Variants in CNTN6 observed in about 807,000 individuals in gnomAD.
CNTN6 encodes the protein contactin-6.
CNTN6 carries 137 observed loss-of-function variants against 122.8 expected under a neutral mutation model. That is an observed-to-expected ratio of 1.12 (90% confidence interval 0.97 to 1.29). The LOEUF is 1.29. Ranked by LOEUF, CNTN6 falls within the 50% of genes most tolerant of loss-of-function variation. The pLI, the probability that CNTN6 is intolerant of heterozygous loss-of-function variation, is 0.00. For synonymous variants in CNTN6, 570 were observed against 426.0 expected (o/e 1.34, Z -4.16); for missense variants, 1,634 against 1,223.4 (o/e 1.34, Z -5.01).
chr3:1,352,418 A>G lies in CNTN6; in HGVS notation c.1459A>G (p.Thr487Ala). The change falls in exon 12 of 23, where the codon ACT (threonine) becomes GCT (alanine). Residue 487 changes from threonine to alanine, a missense_variant. Thr to Ala is a moderately conservative substitution (Grantham distance 58). Coordinates refer to ENST00000446702, the MANE Select transcript of CNTN6 (RefSeq NM_001289080.2). Reference protein sequence around the residue: ...YTCIATNQFGTAKNTGSLIVK... With the variant: ...YTCIATNQFGAAKNTGSLIVK... ...ATGCATAGCCACAAATCAGTTTGGC[A>G]CTGCAAAGAACACTGGCAGCCTCAT... is the stretch of plus-strand genomic sequence containing the variant. The G allele has an allele frequency of 6.2e-7, 1 of 1,609,770 alleles. No homozygotes were observed. Among genetic ancestry groups the G allele is most frequent in the East Asian group, 2.2e-5 (1 of 44,682 alleles).
At chr3:1,142,966 G>A (rs1288143568) in intron 1 of CNTN6, among the ~76,000 whole-genome samples, 12 of 96,606 alleles carry the variant, frequency 1.2e-4, no homozygotes, top group African/African-American at 5.1e-4. Flanking sequence ...GTGTGTGTGT[G>A]TGTATATATA....
chr3:1,111,296 A>G lies in CNTN6; in HGVS notation c.-83+18176A>G, dbSNP rs139780247. On this transcript the variant is annotated intron_variant, in intron 1 of 22. Transcript: ENST00000446702. ...TTATATACAGTTCAAATTAGTAACA[A>G]TCACAACAAGAACAACCATCAATTG... 3.9e-4 allele frequency among the ~76,000 whole-genome samples: 60 copies of G among 152,322 alleles called. No individual in the cohort carries two copies. In the East Asian group the frequency reaches 6.0e-3, roughly 15 times the overall value.
intron 4 of CNTN6, among the ~76,000 whole-genome samples, chr3:1,243,355 G>A (rs1440078488): frequency 6.6e-6 from 1 of 152,178 alleles, no homozygotes; most frequent in Non-Finnish European, 1.5e-5. Context: ...CTGGAGATGT[G>A]GCTGGGGTTT....
At chr3:1,301,741 T>A (rs560025860) in intron 7 of CNTN6, among the ~76,000 whole-genome samples, 2 of 152,318 alleles carry the variant, frequency 1.3e-5, no homozygotes, top group South Asian at 4.1e-4. Flanking sequence ...GCGGTAGCGT[T>A]AAGATGCCCT....
intron 2 of CNTN6, among the ~76,000 whole-genome samples, chr3:1,167,010 C>G (rs1575093067): frequency 6.7e-6 from 1 of 149,950 alleles, no homozygotes; most frequent in East Asian, 2.0e-4. Context: ...GTGTAACAAA[C>G]CTGCACGTTC....
chr3:1,394,871 AAC>A (rs1410554041), intron 20 of CNTN6, among the ~76,000 whole-genome samples: 3 of 152,188 alleles, frequency 2.0e-5, no homozygotes, highest in African/African-American at 7.2e-5. Context: ...AATTTTCGAA[AAC>A]AGTTAAATTA....
chr3:1,172,046 A>G (rs890659007), intron 2 of CNTN6, among the ~76,000 whole-genome samples: 1 of 152,094 alleles, frequency 6.6e-6, no homozygotes, highest in Non-Finnish European at 1.5e-5. Flanking sequence ...GGTAACTCCT[A>G]TCCCTCTCCC....
intron 1 of CNTN6, among the ~76,000 whole-genome samples, chr3:1,140,214 C>T (rs1275745759): frequency 1.3e-5 from 2 of 152,152 alleles, no homozygotes; most frequent in African/African-American, 4.8e-5. Flanking sequence ...CATCCACATT[C>T]TTGTATTCTG....
chr3:1,247,450 G>GC (rs2094597956), intron 4 of CNTN6, among the ~76,000 whole-genome samples: 1 of 137,132 alleles, frequency 7.3e-6, no homozygotes, highest in Non-Finnish European at 1.6e-5. Flanking sequence ...AGACTATATG[G>GC]TTTAAAAAAA....
chr3:1,212,091 T>G (rs989913630), intron 2 of CNTN6, among the ~76,000 whole-genome samples: 2 of 152,150 alleles, frequency 1.3e-5, no homozygotes, highest in African/African-American at 4.8e-5. Context: ...TGGAATTAAC[T>G]TTTTAATTCC....
intron 1 of CNTN6, among the ~76,000 whole-genome samples, chr3:1,109,279 T>A (rs967087050): frequency 3.3e-5 from 5 of 152,078 alleles, no homozygotes; most frequent in African/African-American, 1.2e-4. Context: ...GTGGCTGTGG[T>A]TTCCACATTC....
chr3:1,325,109 T>C (rs964787680), intron 8 of CNTN6, among the ~76,000 whole-genome samples: 1 of 151,956 alleles, frequency 6.6e-6, no homozygotes, highest in Non-Finnish European at 1.5e-5. Context: ...TTTCCATGAA[T>C]GATGGTAAAA....
chr3:1,168,686 C>T (rs2125282837), intron 2 of CNTN6, among the ~76,000 whole-genome samples: 1 of 152,214 alleles, frequency 6.6e-6, no homozygotes, highest in South Asian at 2.1e-4. Flanking sequence ...CCCAATGTCA[C>T]TCAGGTAACA....
At chr3:1,274,584 TG>T (rs1371862744) in intron 4 of CNTN6, among the ~76,000 whole-genome samples, 1 of 152,188 alleles carries the variant, frequency 6.6e-6, no homozygotes, top group Non-Finnish European at 1.5e-5. Context: ...ATACTTTACA[TG>T]GATTGAAAAG....
intron 1 of CNTN6, among the ~76,000 whole-genome samples, chr3:1,138,746 G>A (rs1262029426): frequency 6.6e-6 from 1 of 151,712 alleles, no homozygotes; most frequent in Admixed American, 6.6e-5. Context: ...GCTTTGTTTA[G>A]TTTTTTAAAA....
chr3:1,329,977 A>G (rs1262617281), intron 11 of CNTN6, 42 bp downstream of exon 11: 9 of 1,436,614 alleles, frequency 6.3e-6, no homozygotes, highest in South Asian at 3.0e-5. Context: ...TGTTTGTAAT[A>G]TAACATCTTC....
chr3:1,256,030 G>A (rs62229431), intron 4 of CNTN6, among the ~76,000 whole-genome samples: 8,526 of 151,800 alleles, frequency 0.056, 318 homozygotes, highest in Middle Eastern at 0.11. Flanking sequence ...CACCATATCC[G>A]GCTAATTTTT....
intron 2 of CNTN6, among the ~76,000 whole-genome samples, chr3:1,150,192 C>A (rs556335612): frequency 6.6e-6 from 1 of 152,254 alleles, no homozygotes; most frequent in African/African-American, 2.4e-5. Context: ...CATGGTGTGT[C>A]TCCCTATTCG....
chr3:1,164,323 G>C (rs757484753), intron 2 of CNTN6, among the ~76,000 whole-genome samples: 1 of 152,214 alleles, frequency 6.6e-6, no homozygotes, highest in Non-Finnish European at 1.5e-5. Flanking sequence ...GATCTGACTT[G>C]ACCACCTGCT....
Sources: allele counts gnomAD v4.1 joint callset (sites outside exome capture counted in the v4.1 genomes callset), GRCh38; gene constraint gnomAD v4.1.1; transcripts MANE v1.5; gene names NCBI Gene and HGNC (gene_info 2026-07-23, HGNC 2026-07-21).